The following PPM1H variants were observed in gnomAD, a reference collection of about 807,000 sequenced individuals.
PPM1H encodes protein phosphatase, Mg2+/Mn2+ dependent 1H.
PPM1H carries 27 observed loss-of-function variants against 54.9 expected under a neutral mutation model. That is an observed-to-expected ratio of 0.49 (90% confidence interval 0.36 to 0.68). PPM1H has a LOEUF of 0.68. Among genes scored for constraint, PPM1H ranks in the 30% least tolerant of loss-of-function variants. PPM1H has a pLI of 0.00. For synonymous variants in PPM1H, 305 were observed against 270.8 expected, an observed-to-expected ratio of 1.13 and a Z score of -1.24; for missense variants, 596 against 667.8, an observed-to-expected ratio of 0.89 and a Z score of 1.19.
chr12:62,871,885 A>G (rs1870000836), intron 1 of PPM1H, among the ~76,000 whole-genome samples: 1 of 152,206 alleles, frequency 6.6e-6, no homozygotes, highest in Non-Finnish European at 1.5e-5. Flanking sequence ...ACAAAAACAA[A>G]AAAGAACACA....
intron 1 of PPM1H, among the ~76,000 whole-genome samples, chr12:62,893,261 C>T (rs1592658852): frequency 6.6e-6 from 1 of 152,180 alleles, no homozygotes; most frequent in Admixed American, 6.5e-5. Context: ...TCAGTGGCTT[C>T]AACAACATAA....
At chr12:62,753,430 A>G (rs1186093405) in intron 4 of PPM1H, among the ~76,000 whole-genome samples, 1 of 152,258 alleles carries the variant, frequency 6.6e-6, no homozygotes, top group Non-Finnish European at 1.5e-5. Flanking sequence ...CTCCAAAACC[A>G]GGTTCCTTTG....
At chr12:62,805,833 T>G (rs1323639463) in intron 2 of PPM1H, among the ~76,000 whole-genome samples, 1 of 152,098 alleles carries the variant, frequency 6.6e-6, no homozygotes, top group African/African-American at 2.4e-5. Flanking sequence ...CCTGAGAGAG[T>G]AGATTTTAAG....
intron 5 of PPM1H, among the ~76,000 whole-genome samples, chr12:62,721,385 A>G (rs1341065850): frequency 6.6e-6 from 1 of 152,204 alleles, no homozygotes; most frequent in Non-Finnish European, 1.5e-5. Flanking sequence ...ACTCTGAGCA[A>G]GTAATTCTGG....
At chr12:62,691,745 C>T (rs1293356708) in intron 7 of PPM1H, among the ~76,000 whole-genome samples, 1 of 151,032 alleles carries the variant, frequency 6.6e-6, no homozygotes, top group African/African-American at 2.4e-5. Context: ...ATCACCTGAT[C>T]CTGGGATGTC....
At chr12:62,755,797 C>A (rs1162378403) in intron 4 of PPM1H, 2 of 945,722 alleles carry the variant, frequency 2.1e-6, no homozygotes, top group Admixed American at 1.9e-5. Flanking sequence ...CTGTGGATGG[C>A]CCCTCTGGGA....
intron 4 of PPM1H, chr12:62,755,845 C>A: frequency 1.3e-6 from 1 of 791,430 alleles, no homozygotes; most frequent in Admixed American, 1.8e-5. Flanking sequence ...TCCAGAACAT[C>A]ATCCCTGCCT....
rs1208644812 is a variant in PPM1H at position 62,922,899 on chromosome 12, G to A, written c.245+11593C>T. On this transcript the variant is annotated intron_variant, in intron 1 of 9. Transcript: ENST00000228705. ...GAGCATTCCTGCCTGGCCACCAGCT[G>A]AAAAGAGGAGTGATTCAAGTTTTAG... Among the ~76,000 whole-genome samples, 9 of 152,328 alleles carry A rather than the reference G, an allele frequency of 5.9e-5. No individual in the cohort carries two copies. The East Asian group carries it at 1.7e-3, about 29-fold the overall frequency.
At chr12:62,698,650 T>C (rs984779883) in intron 6 of PPM1H, among the ~76,000 whole-genome samples, 4 of 152,144 alleles carry the variant, frequency 2.6e-5, no homozygotes, top group Admixed American at 6.5e-5. Context: ...AAATTATTAC[T>C]TCTTTTGATT....
intron 1 of PPM1H, among the ~76,000 whole-genome samples, chr12:62,853,462 T>C (rs1196427837): frequency 6.6e-6 from 1 of 152,070 alleles, no homozygotes; most frequent in Non-Finnish European, 1.5e-5. Flanking sequence ...ATATGTAAAA[T>C]TCAAAATTAT....
At chr12:62,675,823 A>G (rs924129989) in intron 8 of PPM1H, among the ~76,000 whole-genome samples, 1 of 152,220 alleles carries the variant, frequency 6.6e-6, no homozygotes, top group Non-Finnish European at 1.5e-5. Context: ...TCTCAAGAGC[A>G]AGTGAGCAAG....
At chr12:62,875,024 C>A (rs768137161) in intron 1 of PPM1H, among the ~76,000 whole-genome samples, 4 of 152,322 alleles carry the variant, frequency 2.6e-5, no homozygotes, top group Middle Eastern at 3.4e-3. Context: ...GTTCTCTTGG[C>A]CAAAGCTGAG....
At chr12:62,683,033 T>TTTTTTTA (rs1491110813) in intron 8 of PPM1H, among the ~76,000 whole-genome samples, 3 of 133,674 alleles carry the variant, frequency 2.2e-5, no homozygotes, top group Middle Eastern at 3.5e-3. Flanking sequence ...GAGTTTATTA[T>TTTTTTTA]TTATTATTAT....
At chr12:62,830,645 T>A (rs1036809706) in intron 2 of PPM1H, among the ~76,000 whole-genome samples, 67 of 152,198 alleles carry the variant, frequency 4.4e-4, no homozygotes, top group African/African-American at 1.3e-3. Flanking sequence ...CACAGTCATC[T>A]CACTCCAGGG....
chr12:62,740,212 T>C (rs755180807), intron 4 of PPM1H, among the ~76,000 whole-genome samples: 7 of 152,182 alleles, frequency 4.6e-5, no homozygotes, highest in South Asian at 2.1e-4. Context: ...TCGCCTCCCA[T>C]GGATCCCTCA....
At chr12:62,723,540 GA>G (rs1404638400) in intron 5 of PPM1H, among the ~76,000 whole-genome samples, 3 of 152,154 alleles carry the variant, frequency 2.0e-5, no homozygotes, top group African/African-American at 4.8e-5. Flanking sequence ...TGCTGCTATA[GA>G]AAAGGGCTTG....
At chr12:62,690,975 CAACA>C (rs778403409) in intron 7 of PPM1H, among the ~76,000 whole-genome samples, 2 of 151,844 alleles carry the variant, frequency 1.3e-5, no homozygotes, top group African/African-American at 4.8e-5. Flanking sequence ...AGTCTCAAAC[CAACA>C]AACAAACAAA....
chr12:62,926,190 G>A (rs370732167), intron 1 of PPM1H, among the ~76,000 whole-genome samples: 22 of 152,290 alleles, frequency 1.4e-4, no homozygotes, highest in East Asian at 5.8e-4. Flanking sequence ...GAAGTCACCC[G>A]TGCCCTGGTG....
At position 62,822,386 on chromosome 12, in the gene PPM1H, T is replaced by A. The variant is rs868538312; in HGVS notation, c.411+9728A>T. ...ACGATATCCAGGACTTGAACTCAGC[T>A]CTGCACCAAGAGGACGTGACAGACA... On this transcript the variant is annotated intron_variant, in intron 2 of 9. Coordinates refer to ENST00000228705, the MANE Select transcript of PPM1H (RefSeq NM_020700.2). Among the ~76,000 whole-genome samples the A allele has an allele frequency of 1.1e-4, 16 of 152,268 alleles. No individual in the cohort carries two copies. In the South Asian group the frequency reaches 3.3e-3, roughly 32 times the overall value.
Sources: allele counts gnomAD v4.1 joint callset (sites outside exome capture counted in the v4.1 genomes callset), GRCh38; gene constraint gnomAD v4.1.1; transcripts MANE v1.5; gene names NCBI Gene and HGNC (gene_info 2026-07-23, HGNC 2026-07-21).